The following CANT1 variants were observed in gnomAD, a reference collection of about 807,000 sequenced individuals.
CANT1 encodes soluble calcium-activated nucleotidase 1.
Under a neutral mutation model 30.0 loss-of-function variants are expected in CANT1, and 26 were observed. The ratio of observed to expected loss-of-function variants is 0.87; its 90% CI spans 0.64 to 1.20. The LOEUF is 1.20. Among genes scored for constraint, CANT1 ranks in the 50% most tolerant of loss-of-function variants. CANT1 has a pLI of 0.00. For missense variants in CANT1, 518 were observed against 563.0 expected (o/e 0.92, Z 0.81); for synonymous variants, 246 against 251.8 (o/e 0.98, Z 0.22).
chr17:78,997,048 C>A lies in CANT1; in HGVS notation c.575G>T (p.Gly192Val), dbSNP rs1420053168. 5 of 1,614,222 alleles carry A rather than the reference C, an allele frequency of 3.1e-6. No homozygotes were observed. The highest frequency in any genetic ancestry group is 3.3e-4 in the Middle Eastern group (2 of 6,062). ...DRTGVVYQIE[G>V]SKAVPWVILS... is the part of the protein sequence containing the mutation. ...AATCACCCAGGGCACGGCTTTGCTG[C>A]CTTCGATCTGGTAGACGACCCCCGT... The change falls in exon 3 of 5, where the codon GGC (glycine) becomes GTC (valine). Residue 192 changes from glycine (G) to valine (V), a missense_variant. By Grantham distance (109) the Gly-to-Val change is moderately radical. Transcript: ENST00000392446. This position sits in a 1 kb window ranked among gnomAD's most constrained non-coding sequence, Gnocchi z 7.5.
chr17:78,992,084 T>A lies in CANT1; in HGVS notation c.*1466A>T, dbSNP rs2070858389. On this transcript the variant is annotated 3_prime_UTR_variant, in exon 5 of 5. Coordinates refer to ENST00000392446, the MANE Select transcript of CANT1 (RefSeq NM_001159773.2). ...CTTCCAGGCTATGCCCGGTGACAGCTGAGCTCTTCAGAAATGCGTCACATT... is the reference window on the plus strand; with the variant it reads ...CTTCCAGGCTATGCCCGGTGACAGCAGAGCTCTTCAGAAATGCGTCACATT... The A allele has an allele frequency of 8.6e-6, 2 of 232,310 alleles. No individual in the cohort carries two copies. The highest frequency in any genetic ancestry group is 1.2e-4 in the East Asian group (2 of 16,472). The allele number at this position is 232,310 out of a possible 1,614,324, so 14.4% of individuals were successfully genotyped here.
rs1191637788 is a variant in CANT1 at position 78,992,395 on chromosome 17, T to C, written c.*1155A>G. On this transcript the variant is annotated 3_prime_UTR_variant, in exon 5 of 5. Transcript: ENST00000392446. Reference sequence around the variant, plus strand: ...ATGATGGAAACGTCCCTTCTCAGCCTGGGTCGTGCCTAACCTGGGTCTCAA... The same window carrying C: ...ATGATGGAAACGTCCCTTCTCAGCCCGGGTCGTGCCTAACCTGGGTCTCAA... 1 of 288,532 alleles carries C rather than the reference T, an allele frequency of 3.5e-6. No individual in the cohort carries two copies. The highest frequency in any genetic ancestry group is 6.8e-6 in the Non-Finnish European group (1 of 148,074). 17.9% of individuals were successfully genotyped at this position (288,532 alleles called of 1,614,324 possible). A position where few individuals can be genotyped will look rare whatever the true frequency, so the allele number is the denominator to read the frequency against.
chr17:79,003,752 C>T (rs1198487269), intron 1 of CANT1, among the ~76,000 whole-genome samples: 1 of 151,744 alleles, frequency 6.6e-6, no homozygotes, highest in Non-Finnish European at 1.5e-5. Context: ...GGGCTGCAAA[C>T]CAGCTATCTC....
In CANT1 at chr17:78,992,703, G is replaced by A. The variant is rs11891; in HGVS notation, c.*847C>T. 66,906 of 595,574 alleles carry A rather than the reference G, an allele frequency of 0.11. 4,810 individuals carry two copies. The highest frequency in any genetic ancestry group is 0.31 in the East Asian group (9,110 of 29,340). 36.9% of individuals were successfully genotyped at this position (595,574 alleles called of 1,614,324 possible). A position where few individuals can be genotyped will look rare whatever the true frequency, so the allele number is the denominator to read the frequency against. Reference sequence around the variant, plus strand: ...ATCTTTGTATCCATTGGCCAAGAACGCCGACATGTGAGACTTGCTTCACCA... The same window carrying A: ...ATCTTTGTATCCATTGGCCAAGAACACCGACATGTGAGACTTGCTTCACCA... On this transcript the variant is annotated 3_prime_UTR_variant, in exon 5 of 5. Transcript: ENST00000392446.
rs2071009313 is a variant in CANT1 at position 78,995,559 on chromosome 17, G to A, written c.632-338C>T. ...GGCACGTGTGTCCCAGGGGAGTGCGGGTGCTGCCCTCGGCCACACCTGAGG... is the reference window on the plus strand; with the variant it reads ...GGCACGTGTGTCCCAGGGGAGTGCGAGTGCTGCCCTCGGCCACACCTGAGG... On this transcript the variant is annotated intron_variant, in intron 3 of 4. Transcript: ENST00000392446. The surrounding 1 kb of genome is among the most constrained non-coding windows in gnomAD (Gnocchi z 5.7). Among the ~76,000 whole-genome samples the A allele has an allele frequency of 6.6e-6, 1 of 152,238 alleles. No homozygotes were observed. Among genetic ancestry groups the A allele is most frequent in the African/African-American group, 2.4e-5 (1 of 41,464 alleles).
At position 78,993,402 on chromosome 17, in the gene CANT1, C is replaced by T. The variant is rs2070901296; in HGVS notation, c.*148G>A. On this transcript the variant is annotated 3_prime_UTR_variant, in exon 5 of 5. Coordinates refer to ENST00000392446, the MANE Select transcript of CANT1 (RefSeq NM_001159773.2). This position sits in a 1 kb window ranked among gnomAD's most constrained non-coding sequence, Gnocchi z 4.5. ...GTGGGGCCCGGGGGTCCAGTGCCCGCACCACTATGGGGCCCGGGACTGGGC... is the reference window on the plus strand; with the variant it reads ...GTGGGGCCCGGGGGTCCAGTGCCCGTACCACTATGGGGCCCGGGACTGGGC... 1.0e-5 allele frequency: 12 copies of T among 1,193,364 alleles called. No homozygotes were observed. The Admixed American group carries it at 2.2e-4, about 22-fold the overall frequency. 73.9% of individuals were successfully genotyped at this position (1,193,364 alleles called of 1,614,324 possible).
chr17:79,009,378 G>A (rs749117224), intron 1 of CANT1, among the ~76,000 whole-genome samples: 3 of 152,226 alleles, frequency 2.0e-5, no homozygotes, highest in African/African-American at 4.8e-5. Flanking sequence ...TAACCAGAGG[G>A]TAATGGTCCC....
rs1257704051 is a variant in CANT1, at chr17:78,993,732, G to T, written c.1024C>A (p.His342Asn). The T allele has an allele frequency of 6.2e-7, 1 of 1,613,870 alleles. No homozygotes were observed. The highest frequency in any genetic ancestry group is 8.5e-7 in the Non-Finnish European group (1 of 1,180,062). Residue 342 changes from histidine (H) to asparagine (N), a missense_variant, in exon 5 of 5, where the codon CAC becomes AAC. By Grantham distance (68) the His-to-Asn change is moderately conservative (BLOSUM62 1). Transcript: ENST00000392446. The surrounding 1 kb of genome is among the most constrained non-coding windows in gnomAD (Gnocchi z 4.5). Reference protein sequence around the residue: ...VSHVGAVVPTHGFSSFKFIPN... With the variant: ...VSHVGAVVPTNGFSSFKFIPN... ...ATGAACTTGAAGGACGAGAAGCCGT[G>T]AGTGGGGACCACCGCCCCGACGTGG...
rs144509365 is a variant in CANT1 at position 78,999,113 on chromosome 17, C to T, written c.-146-1150G>A. Among the ~76,000 whole-genome samples the T allele has an allele frequency of 6.6e-4, 101 of 152,160 alleles. 2 individuals carry two copies. The highest frequency in any genetic ancestry group is 2.3e-3 in the African/African-American group (95 of 41,526). ...GGGTGACAATTCCACATGGAACTTT[C>T]GGACAGTCCTAGGTTTTAGCCCCAG... is the stretch of plus-strand genomic sequence containing the variant. On this transcript the variant is annotated intron_variant, in intron 1 of 4. Transcript: ENST00000392446.
chr17:78,995,355 C>T lies in CANT1; in HGVS notation c.632-134G>A, dbSNP rs549968302. The T allele has an allele frequency of 2.2e-3, 2,122 of 949,592 alleles. 4 individuals are homozygous for T. The highest frequency in any genetic ancestry group is 2.8e-3 in the Non-Finnish European group (1,767 of 620,792). 58.8% of individuals were successfully genotyped at this position (949,592 alleles called of 1,614,324 possible). A position where few individuals can be genotyped will look rare whatever the true frequency, so the allele number is the denominator to read the frequency against. On this transcript the variant is annotated intron_variant, in intron 3 of 4. Transcript: ENST00000392446. The surrounding 1 kb of genome is among the most constrained non-coding windows in gnomAD (Gnocchi z 5.7). ...CCCGGCTCCACACCTGCCTCCCCTC[C>T]GGCCCGCACCTGGCTCCCGCCCAGG...
chr17:78,994,991 C>T, intron 4 of CANT1, 27 bp downstream of exon 4: 8 of 1,548,664 alleles, frequency 5.2e-6, no homozygotes, highest in Non-Finnish European at 6.1e-6. Flanking sequence ...GGAAGCCACA[C>T]TGTGGGCTGG....
Position 78,997,649 on chromosome 17 carries a change from A to C in CANT1, c.-22-5T>G. 6.5e-7 allele frequency: 1 copy of C among 1,543,396 alleles called. No homozygotes were observed. The highest frequency in any genetic ancestry group is 8.7e-7 in the Non-Finnish European group (1 of 1,144,944). On this transcript the variant is annotated splice_region_variant and splice_polypyrimidine_tract_variant and intron_variant, in intron 2 of 4. Coordinates refer to ENST00000392446, the MANE Select transcript of CANT1 (RefSeq NM_001159773.2). The surrounding 1 kb of genome is among the most constrained non-coding windows in gnomAD (Gnocchi z 7.5). ...AGCGTGACAGACAGGCGGGACCTGC[A>C]CAGCCAGGGAGGGAGGAGAGGAGTC...
At chr17:78,994,051 C>A in intron 4 of CANT1, 131 bp from the exon 5 acceptor site, 3 of 1,239,206 alleles carry the variant, frequency 2.4e-6, no homozygotes, top group Non-Finnish European at 3.3e-6. Flanking sequence ...GCAACCCGCC[C>A]CTCCCTGCTC....
rs1330342462 is a variant in CANT1, at chr17:78,993,027, C to T, written c.*523G>A. ...GGCAGATGTGTCCCCAGGGGCCTGC[C>T]CTCACTCGTGACCATGCAATACCCT... On this transcript the variant is annotated 3_prime_UTR_variant, in exon 5 of 5. Transcript: ENST00000392446. The surrounding 1 kb of genome is among the most constrained non-coding windows in gnomAD (Gnocchi z 4.5). 3.1e-6 allele frequency: 1 copy of T among 322,346 alleles called. No individual in the cohort carries two copies. Among genetic ancestry groups the T allele is most frequent in the African/African-American group, 2.1e-5 (1 of 48,036 alleles). The allele number at this position is 322,346 out of a possible 1,614,324, so 20.0% of individuals were successfully genotyped here.
At chr17:78,994,542 A>C (rs377643112) in intron 4 of CANT1, among the ~76,000 whole-genome samples, 191 of 152,320 alleles carry the variant, frequency 1.3e-3, no homozygotes, top group African/African-American at 3.3e-3. Context: ...AAGAGAAAAC[A>C]GCTCATTTGC....
rs267606699 is a variant in CANT1 at position 78,993,857 on chromosome 17, C to T, written c.899G>A (p.Arg300His). The T allele has an allele frequency of 3.8e-6, 6 of 1,597,790 alleles. No homozygotes were observed. Among genetic ancestry groups the T allele is most frequent in the South Asian group, 1.1e-5 (1 of 90,442 alleles). Reference sequence around the variant, plus strand: ...GCTGTAGCGCTCCTGGCTGGCGCGGCGCGGCAGGAAGAACCAGCGCTGCAG... The same window carrying T: ...GCTGTAGCGCTCCTGGCTGGCGCGGTGCGGCAGGAAGAACCAGCGCTGCAG... ...DTLQRWFFLP[R>H]RASQERYSEK... The change falls in exon 5 of 5, where the codon CGC becomes CAC. Residue 300 changes from arginine to histidine, a missense_variant. Around this residue, in one of 3 missense-constraint regions of CANT1, gnomAD observed 221 missense variants for 211.8 expected, o/e 1.04. Coordinates refer to ENST00000392446, the MANE Select transcript of CANT1 (RefSeq NM_001159773.2). The surrounding 1 kb of genome is among the most constrained non-coding windows in gnomAD (Gnocchi z 4.5).
In CANT1 at chr17:79,008,715, G is replaced by A. The variant is rs557691824; in HGVS notation, c.-147+949C>T. ...ACAGAGGGCAAGGGAAAGACCATTC[G>A]GAGGGAGAAGCAAAGGCACCAGGCA... On this transcript the variant is annotated intron_variant, in intron 1 of 4. Coordinates refer to ENST00000392446, the MANE Select transcript of CANT1 (RefSeq NM_001159773.2). This position sits in a 1 kb window ranked among gnomAD's most constrained non-coding sequence, Gnocchi z 4.4. Among the ~76,000 whole-genome samples, 6 of 152,296 alleles carry A rather than the reference G, an allele frequency of 3.9e-5. No homozygotes were observed. The South Asian group carries it at 1.0e-3, about 26-fold the overall frequency.
chr17:78,995,058 G>C lies in CANT1; in HGVS notation c.795C>G (p.Asn265Lys). Reference sequence around the variant, plus strand: ...CGGCAGCAGCCCGCAGGGCGTTGTAGTTGGACACCCAGTTCTCGTGGTCCA... The same window carrying C: ...CGGCAGCAGCCCGCAGGGCGTTGTACTTGGACACCCAGTTCTCGTGGTCCA... The part of the protein sequence containing the change: ...GSVDHENWVS[N>K]YNALRAAAGI... The change falls in exon 4 of 5, where the codon AAC becomes AAG. Residue 265 changes from asparagine (N) to lysine (K), a missense_variant. Physicochemically the swap from Asn to Lys is moderately conservative, Grantham distance 94 (BLOSUM62 0). Transcript: ENST00000392446. This position sits in a 1 kb window ranked among gnomAD's most constrained non-coding sequence, Gnocchi z 5.7. The C allele has an allele frequency of 1.2e-6, 2 of 1,602,310 alleles. No individual in the cohort carries two copies. Among genetic ancestry groups the C allele is most frequent in the East Asian group, 2.2e-5 (1 of 44,526 alleles).
In CANT1 at chr17:78,994,435, C is replaced by T. The variant is rs77219759; in HGVS notation, c.836-515G>A. Reference sequence around the variant, plus strand: ...GTTGGTGTGGAACACCACGGCCCAGCGCCAGGGGTAGGGACAGGGCCTGAC... The same window carrying T: ...GTTGGTGTGGAACACCACGGCCCAGTGCCAGGGGTAGGGACAGGGCCTGAC... On this transcript the variant is annotated intron_variant, in intron 4 of 4. Coordinates refer to ENST00000392446, the MANE Select transcript of CANT1 (RefSeq NM_001159773.2). Among the ~76,000 whole-genome samples, 1,672 of 152,280 alleles carry T rather than the reference C, an allele frequency of 0.011. 100 individuals carry two copies. The East Asian group carries it at 0.17, about 15-fold the overall frequency.
Sources: allele counts gnomAD v4.1 joint callset (sites outside exome capture counted in the v4.1 genomes callset), GRCh38; gene constraint gnomAD v4.1.1; regional missense constraint gnomAD v4.1.1; non-coding constraint Gnocchi (gnomAD v3.1); transcripts MANE v1.5; gene names NCBI Gene and HGNC (gene_info 2026-07-23, HGNC 2026-07-21).